URAD: variants seen among roughly 807,000 people sequenced by gnomAD.
URAD encodes putative 2-oxo-4-hydroxy-4-carboxy-5-ureidoimidazoline decarboxylase.
In URAD, 4 loss-of-function variants were observed where a neutral mutation model predicts 4.6. The observed-to-expected ratio is 0.87, with a 90% confidence interval of 0.43 to 1.98. URAD has a LOEUF of 1.98. Among genes scored for constraint, URAD ranks in the 30% most tolerant of loss-of-function variants. URAD has a pLI of 0.03. For missense variants in URAD, 300 were observed against 255.3 expected (o/e 1.18, Z -1.19); for synonymous variants, 144 against 118.2 (o/e 1.22, Z -1.41).
chr13:27,978,812 T>A (rs1210056762), intron 1 of URAD, among the ~76,000 whole-genome samples: 1 of 151,938 alleles, frequency 6.6e-6, no homozygotes, highest in Non-Finnish European at 1.5e-5. Context: ...AATTTACGAC[T>A]AGGTCGGGAG....
At chr13:27,981,364 A>T (rs1464586463) in intron 1 of URAD, among the ~76,000 whole-genome samples, 2 of 152,192 alleles carry the variant, frequency 1.3e-5, no homozygotes, top group African/African-American at 4.8e-5. Flanking sequence ...CTGGAAGCCC[A>T]GGCGCTAGGC....
chr13:27,978,909 C>T (rs1038344812), intron 1 of URAD, among the ~76,000 whole-genome samples: 1 of 151,940 alleles, frequency 6.6e-6, no homozygotes, highest in Admixed American at 6.5e-5. Flanking sequence ...CTAAAGGGGC[C>T]GGACGCAAGG....
chr13:27,978,097 G>A lies in URAD; in HGVS notation c.*9C>T, dbSNP rs769235197. ...GTTGTGCGTCCCGGGTCCCTGGCCC[G>A]CGCGGCAGCTACAGCTTGGCGGGGT... On this transcript the variant is annotated 3_prime_UTR_variant, in exon 2 of 2. Coordinates refer to ENST00000332715, the MANE Select transcript of URAD (RefSeq NM_001105577.2). 3 of 1,477,184 alleles carry A rather than the reference G, an allele frequency of 2.0e-6. No homozygotes were observed. Among genetic ancestry groups the A allele is most frequent in the Admixed American group, 2.5e-5 (1 of 39,560 alleles). 91.5% of individuals were successfully genotyped at this position (1,477,184 alleles called of 1,614,324 possible).
chr13:27,984,835 C>T (rs537521552), intron 1 of URAD, among the ~76,000 whole-genome samples: 4 of 151,964 alleles, frequency 2.6e-5, no homozygotes, highest in Admixed American at 6.6e-5. Flanking sequence ...AAAAATTAGC[C>T]GGGCATGGTG....
chr13:27,978,573 AAAG>A, intron 1 of URAD, 121 bp from the exon 2 acceptor site: 1 of 761,444 alleles, frequency 1.3e-6, no homozygotes. Flanking sequence ...GCCCGGCCCC[AAAG>A]AAGGCTGCGG....
chr13:27,988,061 C>T (rs1241057216), intron 1 of URAD, among the ~76,000 whole-genome samples: 2 of 152,158 alleles, frequency 1.3e-5, no homozygotes, highest in African/African-American at 4.8e-5. Context: ...CAGGCTCAAG[C>T]GATTCTCCTG....
chr13:27,982,694 A>C (rs1212129339), intron 1 of URAD, among the ~76,000 whole-genome samples: 1 of 152,034 alleles, frequency 6.6e-6, no homozygotes, highest in African/African-American at 2.4e-5. Flanking sequence ...TTTCATCTGG[A>C]TGATTTTTGG....
In URAD at chr13:27,979,808, A is replaced by G. The variant is rs747048721; in HGVS notation, c.176-1356T>C. On this transcript the variant is annotated intron_variant, in intron 1 of 1. Transcript: ENST00000332715. ...TTTCTGTCTAATAAAAGGATGATTGATAGTGCACCATCTAACTCATGAACT... is the reference window on the plus strand; with the variant it reads ...TTTCTGTCTAATAAAAGGATGATTGGTAGTGCACCATCTAACTCATGAACT... 3.3e-4 allele frequency among the ~76,000 whole-genome samples: 50 copies of G among 152,228 alleles called. 1 individual carries two copies. Among genetic ancestry groups the G allele is most frequent in the Non-Finnish European group, 1.3e-4 (9 of 68,040 alleles).
chr13:27,986,701 A>G (rs1870038476), intron 1 of URAD, among the ~76,000 whole-genome samples: 1 of 147,438 alleles, frequency 6.8e-6, no homozygotes, highest in Admixed American at 6.7e-5. Flanking sequence ...ATCAAAGGAT[A>G]TGCCTCTCTT....
At chr13:27,980,509 G>T (rs1869843536) in intron 1 of URAD, among the ~76,000 whole-genome samples, 2 of 152,226 alleles carry the variant, frequency 1.3e-5, no homozygotes, top group Non-Finnish European at 2.9e-5. Flanking sequence ...GCGGAGGAGG[G>T]GAAAGTGCGA....
At chr13:27,980,680 C>G (rs1338948420) in intron 1 of URAD, among the ~76,000 whole-genome samples, 1 of 152,202 alleles carries the variant, frequency 6.6e-6, no homozygotes, top group Non-Finnish European at 1.5e-5. Flanking sequence ...GGTGGGAGGT[C>G]CGGGCGCGGG....
chr13:27,977,883 C>T lies in URAD; in HGVS notation c.*223G>A. The T allele has an allele frequency of 4.2e-6, 2 of 473,684 alleles. No homozygotes were observed. The highest frequency in any genetic ancestry group is 7.4e-6 in the Non-Finnish European group (2 of 271,646). The allele number at this position is 473,684 out of a possible 1,614,324, so 29.3% of individuals were successfully genotyped here. ...AGCAGTGAGCTGGATAAATCCGGGG[C>T]AAAGCACTAAACAATATGGATATTT... On this transcript the variant is annotated 3_prime_UTR_variant, in exon 2 of 2. Coordinates refer to ENST00000332715, the MANE Select transcript of URAD (RefSeq NM_001105577.2).
chr13:27,984,227 A>AT (rs1869955273), intron 1 of URAD, among the ~76,000 whole-genome samples: 1 of 152,180 alleles, frequency 6.6e-6, no homozygotes, highest in Non-Finnish European at 1.5e-5. Context: ...TGCACAGTTA[A>AT]TTAACTCTTA....
intron 1 of URAD, among the ~76,000 whole-genome samples, chr13:27,981,370 T>C (rs1869873915): frequency 6.6e-6 from 1 of 152,196 alleles, no homozygotes; most frequent in Non-Finnish European, 1.5e-5. Context: ...GCCCAGGCGC[T>C]AGGCAGGCCA....
At position 27,980,876 on chromosome 13, in the gene URAD, CCTA is replaced by C. The variant is rs560955085; in HGVS notation, c.176-2427_176-2425del. Among the ~76,000 whole-genome samples the C allele has an allele frequency of 9.5e-3, 1,446 of 152,166 alleles. 9 individuals are homozygous for C. Among genetic ancestry groups the C allele is most frequent in the Non-Finnish European group, 0.014 (981 of 68,010 alleles). On this transcript the variant is annotated intron_variant, in intron 1 of 1. Coordinates refer to ENST00000332715, the MANE Select transcript of URAD (RefSeq NM_001105577.2). ...AAACGTCGCCCGGGGTTAATGTTTG[CCTA>C]GAACTGAGCACGAGTTTTCCACTCT...
intron 1 of URAD, among the ~76,000 whole-genome samples, chr13:27,983,786 C>T (rs1869941209): frequency 6.6e-6 from 1 of 152,194 alleles, no homozygotes; most frequent in Non-Finnish European, 1.5e-5. Flanking sequence ...CCAGTGCCCA[C>T]AACAATCCCT....
chr13:27,978,150 G>T lies in URAD; in HGVS notation c.478C>A (p.Leu160Met). The T allele has an allele frequency of 6.5e-7, 1 of 1,532,626 alleles. No homozygotes were observed. Among genetic ancestry groups the T allele is most frequent in the Non-Finnish European group, 8.7e-7 (1 of 1,152,616 alleles). 94.9% of individuals were successfully genotyped at this position (1,532,626 alleles called of 1,614,324 possible). ...GCGCGGAGGAGGTCGGCCAGGCGCA[G>T]GCTGCCGATCTTCTTCACCTCGCCC... ...ALGEVKKIGS[L>M]RLADLLRADP... Residue 160 changes from leucine (L) to methionine (M), a missense_variant, in exon 2 of 2, where the codon CTG becomes ATG. Transcript: ENST00000332715.
intron 1 of URAD, among the ~76,000 whole-genome samples, chr13:27,987,566 G>T (rs77688668): frequency 0.12 from 17,906 of 152,162 alleles, 1,167 homozygotes; most frequent in Middle Eastern, 0.16. Flanking sequence ...GGGCTCTGGA[G>T]ATAGTCTGGT....
chr13:27,981,312 G>A (rs1869871776), intron 1 of URAD, among the ~76,000 whole-genome samples: 1 of 152,202 alleles, frequency 6.6e-6, no homozygotes, highest in Admixed American at 6.5e-5. Context: ...TACTGGGCAA[G>A]TAGGTGCCAT....
Sources: allele counts gnomAD v4.1 joint callset (sites outside exome capture counted in the v4.1 genomes callset), GRCh38; gene constraint gnomAD v4.1.1; transcripts MANE v1.5; gene names NCBI Gene and HGNC (gene_info 2026-07-23, HGNC 2026-07-21).